Variants in SPNS2 observed in about 807,000 individuals in gnomAD.
The protein encoded by SPNS2 is sphingosine-1-phosphate transporter SPNS2.
Under a neutral mutation model 57.6 loss-of-function variants are expected in SPNS2, and 37 were observed. The ratio of observed to expected loss-of-function variants is 0.64; its 90% CI spans 0.49 to 0.85. SPNS2 has a LOEUF of 0.85. Ranked by LOEUF, SPNS2 falls within the 40% of genes least tolerant of loss-of-function variation. The pLI is 0.00. For synonymous variants in SPNS2, 440 were observed against 346.9 expected (o/e 1.27, Z -2.98); for missense variants, 831 against 779.1 (o/e 1.07, Z -0.79).
intron 7 of SPNS2, 23 bp from the exon 8 acceptor site, chr17:4,533,220 G>A (rs538437986): frequency 5.0e-5 from 79 of 1,583,760 alleles, no homozygotes; most frequent in East Asian, 3.2e-4. Context: ...CAACTCGTGC[G>A]CCACCATCCT....
chr17:4,537,814 A>G lies in SPNS2; in HGVS notation c.*366A>G. ...CCTGCCCTCCCTGGAACGAAGGGCC[A>G]GGGGGCTGGACTTTCCCACACAACT... On this transcript the variant is annotated 3_prime_UTR_variant, in exon 13 of 13. Coordinates refer to ENST00000329078, the MANE Select transcript of SPNS2 (RefSeq NM_001124758.3). 2.2e-6 allele frequency: 1 copy of G among 455,696 alleles called. No homozygotes were observed. Among genetic ancestry groups the G allele is most frequent in the Non-Finnish European group, 4.4e-6 (1 of 226,138 alleles). 28.2% of individuals were successfully genotyped at this position (455,696 alleles called of 1,614,324 possible). A position where few individuals can be genotyped will look rare whatever the true frequency, so the allele number is the denominator to read the frequency against.
rs117456473 is a variant in SPNS2 at position 4,527,886 on chromosome 17, G to T, written c.573+2693G>T. On this transcript the variant is annotated intron_variant, in intron 3 of 12. Transcript: ENST00000329078. The stretch of plus-strand genomic sequence containing the variant: ...CCCGTGGCCCAGCCTTCTACTTGGG[G>T]TATACACCCAAGAGAGAAACTCCAG... Among the ~76,000 whole-genome samples, 32 of 150,666 alleles carry T rather than the reference G, an allele frequency of 2.1e-4. No homozygotes were observed. In the East Asian group the frequency reaches 5.9e-3, roughly 28 times the overall value.
At chr17:4,521,884 C>T (rs572565291) in intron 2 of SPNS2, among the ~76,000 whole-genome samples, 83 of 152,314 alleles carry the variant, frequency 5.4e-4, no homozygotes, top group African/African-American at 1.8e-3. Context: ...TCAGCCAGGG[C>T]GGAGTGTTTA....
At position 4,536,300 on chromosome 17, in the gene SPNS2, C is replaced by G. The variant is rs373623953; in HGVS notation, c.1481C>G (p.Pro494Arg). ...DLIRQSTKDS[P>R]LWEFLSLGYA... The stretch of plus-strand genomic sequence containing the variant: ...ATCCGCCAGAGCACTAAGGACTCCC[C>G]GCTCTGGGAGTTCCTGAGCCTGGGC... Residue 494 changes from proline (P) to arginine (R), a missense_variant, in exon 11 of 13, where the codon CCG becomes CGG. Physicochemically the swap from Pro to Arg is moderately radical, Grantham distance 103 (BLOSUM62 -2). Coordinates refer to ENST00000329078, the MANE Select transcript of SPNS2 (RefSeq NM_001124758.3). The G allele has an allele frequency of 6.2e-7, 1 of 1,612,622 alleles. No homozygotes were observed. Among genetic ancestry groups the G allele is most frequent in the Non-Finnish European group, 8.5e-7 (1 of 1,179,960 alleles).
At chr17:4,529,565 A>G (rs1434943038) in intron 3 of SPNS2, among the ~76,000 whole-genome samples, 1 of 152,100 alleles carries the variant, frequency 6.6e-6, no homozygotes, top group African/African-American at 2.4e-5. Flanking sequence ...CCACCTCCTC[A>G]GGAGGCTGAG....
Position 4,533,263 on chromosome 17 carries a change from C to T in SPNS2, c.1109C>T (p.Thr370Ile), listed in dbSNP as rs778455385. 5.6e-6 allele frequency: 9 copies of T among 1,606,280 alleles called. No individual in the cohort carries two copies. Among genetic ancestry groups the T allele is most frequent in the Non-Finnish European group, 7.7e-6 (9 of 1,175,522 alleles). ...AKDSLIFGAI[T>I]CFTGFLGVVT... ...CACAGCCTCATCTTTGGGGCCATCA[C>T]CTGCTTTACGGGATTTCTGGGCGTG... The change falls in exon 8 of 13, where the codon ACC becomes ATC. Residue 370 changes from threonine to isoleucine, a missense_variant. This residue lies in a region of SPNS2 where 526 missense variants were observed against 400.9 expected (regional missense o/e 1.31). Transcript: ENST00000329078.
chr17:4,527,012 C>A (rs191692468), intron 3 of SPNS2, among the ~76,000 whole-genome samples: 2 of 152,340 alleles, frequency 1.3e-5, no homozygotes, highest in East Asian at 3.9e-4. Flanking sequence ...ACCTCTGAGG[C>A]TGCTCCTGGG....
rs947343242 is a variant in SPNS2, at chr17:4,518,415, C to T, written c.436+5103C>T. On this transcript the variant is annotated intron_variant, in intron 2 of 12. Coordinates refer to ENST00000329078, the MANE Select transcript of SPNS2 (RefSeq NM_001124758.3). ...GGCGGGTGCCTGTAATCCCGCTACTCGGGAGACTGAGGCAGGGGAATGGCA... is the reference window on the plus strand; with the variant it reads ...GGCGGGTGCCTGTAATCCCGCTACTTGGGAGACTGAGGCAGGGGAATGGCA... Among the ~76,000 whole-genome samples the T allele has an allele frequency of 7.9e-5, 12 of 152,174 alleles. No homozygotes were observed. The South Asian group carries it at 1.0e-3, about 13-fold the overall frequency.
At chr17:4,513,807 C>T (rs1310862472) in intron 2 of SPNS2, among the ~76,000 whole-genome samples, 2 of 152,218 alleles carry the variant, frequency 1.3e-5, no homozygotes, top group Non-Finnish European at 2.9e-5. Flanking sequence ...AGCCCCAGAG[C>T]GGTTCCCAAG....
intron 1 of SPNS2, among the ~76,000 whole-genome samples, chr17:4,501,263 T>C (rs8073008): frequency 0.15 from 22,687 of 152,090 alleles, 1,924 homozygotes; most frequent in Non-Finnish European, 0.18. Context: ...GTTTTTTTTC[T>C]GGCCCCAGAC....
rs2144384739 is a variant in SPNS2 at position 4,536,437 on chromosome 17, GGGA to G, written c.1607+14_1607+16del. 1.3e-6 allele frequency: 2 copies of G among 1,557,454 alleles called. No individual in the cohort carries two copies. The highest frequency in any genetic ancestry group is 1.1e-5 in the South Asian group (1 of 87,746). ...CAGGGCTGAGCAGCAGTGAGTGGGG[GGGA>G]GGGGAGGCCCTGCTGCACCGCCGGG... On this transcript the variant is annotated intron_variant, in intron 11 of 12. Transcript: ENST00000329078.
At position 4,538,198 on chromosome 17, in the gene SPNS2, G is replaced by A. The variant is rs1424207526; in HGVS notation, c.*750G>A. ...TGTGCCCCCAGGCTCAAGGTCTCTG[G>A]CAGGTGCACACCAGCCCAACTCTGC... On this transcript the variant is annotated 3_prime_UTR_variant, in exon 13 of 13. Transcript: ENST00000329078. The A allele has an allele frequency of 4.1e-6, 1 of 241,342 alleles. No individual in the cohort carries two copies. Among genetic ancestry groups the A allele is most frequent in the South Asian group, 5.6e-5 (1 of 17,846 alleles). 15.0% of individuals were successfully genotyped at this position (241,342 alleles called of 1,614,324 possible).
chr17:4,528,553 C>A (rs2144355694), intron 3 of SPNS2, among the ~76,000 whole-genome samples: 1 of 151,886 alleles, frequency 6.6e-6, no homozygotes, highest in East Asian at 2.0e-4. Context: ...ACCTCTGCCA[C>A]CCCCTCCTCC....
At chr17:4,536,502 T>C in intron 11 of SPNS2, 76 bp downstream of exon 11, 2 of 1,401,000 alleles carry the variant, frequency 1.4e-6, no homozygotes, top group Non-Finnish European at 2.0e-6. Context: ...AGCCCTGCCC[T>C]GGGGTGGGGC....
chr17:4,520,575 C>T (rs1359732094), intron 2 of SPNS2, among the ~76,000 whole-genome samples: 1 of 152,146 alleles, frequency 6.6e-6, no homozygotes, highest in Non-Finnish European at 1.5e-5. Context: ...GTCCTCCCTC[C>T]ACAGCCTCAT....
chr17:4,530,153 GCCCCACT>G (rs370061088), intron 3 of SPNS2, among the ~76,000 whole-genome samples: 177 of 151,976 alleles, frequency 1.2e-3, no homozygotes, highest in Admixed American at 2.3e-3. Context: ...CCCTGCCAAC[GCCCCACT>G]CCCCACTCCC....
At chr17:4,532,919 T>G in intron 6 of SPNS2, 58 bp from the exon 7 acceptor site, 1 of 1,565,348 alleles carries the variant, frequency 6.4e-7, no homozygotes, top group South Asian at 1.2e-5. Flanking sequence ...TGCATGGGGC[T>G]GCCTAGGGGG....
At chr17:4,501,785 CAG>C (rs1447081198) in intron 1 of SPNS2, among the ~76,000 whole-genome samples, 2 of 152,306 alleles carry the variant, frequency 1.3e-5, no homozygotes, top group African/African-American at 4.8e-5. Flanking sequence ...CCAGCTGGGA[CAG>C]AGATGGGGAT....
At position 4,498,938 on chromosome 17, in the gene SPNS2, G is replaced by C; in HGVS notation, c.-110G>C. The C allele has an allele frequency of 1.6e-6, 1 of 617,170 alleles. No individual in the cohort carries two copies. The highest frequency in any genetic ancestry group is 2.0e-6 in the Non-Finnish European group (1 of 493,918). The allele number at this position is 617,170 out of a possible 1,614,324, so 38.2% of individuals were successfully genotyped here. ...GGGGCCGGAGCGCAGGAGCCGACGG[G>C]GCCCGACCAGGATGGTGCAGTGGCG... On this transcript the variant is annotated 5_prime_UTR_variant, in exon 1 of 13. Coordinates refer to ENST00000329078, the MANE Select transcript of SPNS2 (RefSeq NM_001124758.3).
Sources: gnomAD v4.1 joint callset for allele counts (sites outside exome capture counted in the v4.1 genomes callset) on GRCh38, gnomAD v4.1.1 for gene constraint, gnomAD v4.1.1 regional missense constraint, MANE v1.5 for transcripts, NCBI Gene and HGNC (gene_info 2026-07-23, HGNC 2026-07-21) for gene names.